Variants in ZIM2 observed in about 807,000 individuals in gnomAD.
ZIM2 encodes zinc finger protein 656.
ZIM2 carries 14 observed loss-of-function variants against 38.6 expected under a neutral mutation model. The observed-to-expected ratio is 0.36, with a 90% CI of 0.24 to 0.57. The LOEUF is 0.57. Among genes scored for constraint, ZIM2 ranks in the 20% least tolerant of loss-of-function variants. ZIM2 has a pLI of 0.81. For synonymous variants in ZIM2, 247 were observed against 245.8 expected (o/e 1.00, Z -0.04); for missense variants, 680 against 695.1 (o/e 0.98, Z 0.24).
intron 10 of ZIM2, among the ~76,000 whole-genome samples, chr19:56,789,321 C>A (rs528253500): frequency 6.6e-6 from 1 of 152,238 alleles, no homozygotes; most frequent in East Asian, 1.9e-4. Context: ...TCCGGCCAGC[C>A]GAAGTTGCAG....
intron 2 of ZIM2, among the ~76,000 whole-genome samples, chr19:56,828,956 A>C (rs1355660690): frequency 1.3e-5 from 2 of 152,184 alleles, no homozygotes; most frequent in Non-Finnish European, 2.9e-5. Context: ...CCACTGTTTA[A>C]AGATACTAAA....
At chr19:56,795,067 T>G (rs1485042680) in intron 9 of ZIM2, among the ~76,000 whole-genome samples, 3 of 152,048 alleles carry the variant, frequency 2.0e-5, no homozygotes, top group Admixed American at 6.5e-5. Context: ...TTTTTTTTCT[T>G]TTTTTGAGGC....
chr19:56,827,517 G>A (rs958206412), intron 2 of ZIM2, among the ~76,000 whole-genome samples: 4 of 152,106 alleles, frequency 2.6e-5, no homozygotes, highest in Non-Finnish European at 4.4e-5. Flanking sequence ...TCATAAAGCC[G>A]GGCAACATAT....
At chr19:56,782,394 G>A (rs2046371811) in intron 10 of ZIM2, 1 of 473,122 alleles carries the variant, frequency 2.1e-6, no homozygotes, top group Non-Finnish European at 4.1e-6. Context: ...AAGCTCAGCA[G>A]TATACCTCAG....
intron 4 of ZIM2, 130 bp downstream of exon 4, chr19:56,824,132 C>T: frequency 6.9e-7 from 1 of 1,441,110 alleles, no homozygotes. Flanking sequence ...CCACAGTACA[C>T]AGGACATCCC....
intron 9 of ZIM2, among the ~76,000 whole-genome samples, chr19:56,801,088 C>A (rs919467690): frequency 6.6e-6 from 1 of 151,900 alleles, no homozygotes; most frequent in Non-Finnish European, 1.5e-5. Context: ...GTGCCCACCA[C>A]CATGCCCGGC....
intron 2 of ZIM2, among the ~76,000 whole-genome samples, chr19:56,828,136 G>A (rs1032700300): frequency 3.3e-5 from 5 of 152,102 alleles, no homozygotes; most frequent in Admixed American, 6.5e-5. Flanking sequence ...GCAGGCAGCC[G>A]TAACATCTTT....
intron 12 of ZIM2, among the ~76,000 whole-genome samples, chr19:56,778,413 G>A (rs1430565325): frequency 6.6e-6 from 1 of 152,206 alleles, no homozygotes; most frequent in Non-Finnish European, 1.5e-5. Flanking sequence ...GAGGAGGGCT[G>A]TGTCAATCAG....
chr19:56,803,655 G>A (rs934451437), intron 9 of ZIM2, among the ~76,000 whole-genome samples: 2 of 152,192 alleles, frequency 1.3e-5, no homozygotes, highest in Non-Finnish European at 2.9e-5. Context: ...TTGGAAGCTG[G>A]AAGAAAACCA....
intron 12 of ZIM2, 23 bp downstream of exon 12, chr19:56,779,354 C>T (rs373345379): frequency 1.6e-5 from 25 of 1,611,624 alleles, no homozygotes; most frequent in East Asian, 2.2e-5. Context: ...TCCTACACCC[C>T]GGGCTTCCCC....
intron 9 of ZIM2, chr19:56,816,324 A>T (rs1330894223): frequency 6.2e-7 from 1 of 1,614,132 alleles, no homozygotes; most frequent in South Asian, 1.1e-5. Context: ...TTCGAGAATG[A>T]ATTTTCTGAT....
At chr19:56,783,107 A>G (rs2046411222) in intron 10 of ZIM2, among the ~76,000 whole-genome samples, 1 of 152,124 alleles carries the variant, frequency 6.6e-6, no homozygotes, top group African/African-American at 2.4e-5. Flanking sequence ...ATGTGTACTT[A>G]AAGACATGGA....
intron 9 of ZIM2, among the ~76,000 whole-genome samples, chr19:56,793,983 T>G (rs2047069902): frequency 6.6e-6 from 1 of 152,206 alleles, no homozygotes; most frequent in Non-Finnish European, 1.5e-5. Flanking sequence ...AGGAATGATG[T>G]GGACACAGTG....
intron 10 of ZIM2, among the ~76,000 whole-genome samples, chr19:56,786,090 A>G (rs1194271528): frequency 6.6e-6 from 1 of 152,014 alleles, no homozygotes; most frequent in Non-Finnish European, 1.5e-5. Context: ...AACATACTTT[A>G]TGTCTCCATG....
In ZIM2 at chr19:56,828,812, A is replaced by G. The variant is rs2061303278; in HGVS notation, c.-226-2349T>C. ...TTACTTAACATCAAAAATCAAAGAA[A>G]TGTAAAATATTACAATAAACCTTTT... On this transcript the variant is annotated intron_variant, in intron 2 of 12. Coordinates refer to ENST00000629319, the MANE Select transcript of ZIM2 (RefSeq NM_001387356.1). Among the ~76,000 whole-genome samples the G allele has an allele frequency of 2.0e-5, 3 of 152,186 alleles. 1 individual carries two copies. In the South Asian group the frequency reaches 6.2e-4, roughly 32 times the overall value.
chr19:56,795,995 AC>A (rs1187811648), intron 9 of ZIM2, among the ~76,000 whole-genome samples: 1 of 152,024 alleles, frequency 6.6e-6, no homozygotes, highest in East Asian at 1.9e-4. Flanking sequence ...GTCAGTGAAA[AC>A]CCTTCCTCAC....
At position 56,814,824 on chromosome 19, in the gene ZIM2, C is replaced by A. The variant is rs752639306; in HGVS notation, c.490+2922G>T. ...CTGCAGCACGATTCCTCCGTGGCTT[C>A]ATGGGCAAGAGGGCAATAAAACCAT... is the stretch of plus-strand genomic sequence containing the variant. On this transcript the variant is annotated intron_variant, in intron 9 of 12. Coordinates refer to ENST00000629319, the MANE Select transcript of ZIM2 (RefSeq NM_001387356.1). The surrounding 1 kb of genome is among the most constrained non-coding windows in gnomAD (Gnocchi z 5.8). 4 of 1,614,104 alleles carry A rather than the reference C, an allele frequency of 2.5e-6. No homozygotes were observed. Among genetic ancestry groups the A allele is most frequent in the Non-Finnish European group, 3.4e-6 (4 of 1,180,060 alleles).
chr19:56,818,963 A>G (rs968041234), intron 7 of ZIM2, among the ~76,000 whole-genome samples: 3 of 152,212 alleles, frequency 2.0e-5, no homozygotes, highest in African/African-American at 7.2e-5. Flanking sequence ...TGGAGAGAAA[A>G]GACTCATGAA....
At chr19:56,813,603 T>G (rs1323734899) in intron 9 of ZIM2, 2 of 1,518,044 alleles carry the variant, frequency 1.3e-6, no homozygotes, top group Non-Finnish European at 1.8e-6. Context: ...TATCATGGAT[T>G]GGTTTGGATT....
Sources: allele counts gnomAD v4.1 joint callset (sites outside exome capture counted in the v4.1 genomes callset), GRCh38; gene constraint gnomAD v4.1.1; non-coding constraint Gnocchi (gnomAD v3.1); transcripts MANE v1.5; gene names NCBI Gene and HGNC (gene_info 2026-07-23, HGNC 2026-07-21).